The following TPRG1 variants were observed in gnomAD, a reference collection of about 807,000 sequenced individuals.
TPRG1 encodes tumor protein p63-regulated gene 1 protein.
TPRG1 carries 29 observed loss-of-function variants against 29.3 expected under a neutral mutation model. That is an observed-to-expected ratio of 0.99 (90% CI 0.74 to 1.35). The LOEUF is 1.35. Among genes scored for constraint, TPRG1 ranks in the 40% most tolerant of loss-of-function variants. The probability of loss-of-function intolerance (pLI) is 0.00; values close to 1 mark genes in which losing one functional copy is unlikely to be tolerated. For synonymous variants in TPRG1, 130 were observed against 116.8 expected (o/e 1.11, Z -0.73); for missense variants, 327 against 335.0 (o/e 0.98, Z 0.19).
At chr3:189,313,514 C>A (rs983908369) in intron 5 of TPRG1, among the ~76,000 whole-genome samples, 1 of 152,118 alleles carries the variant, frequency 6.6e-6, no homozygotes, top group African/African-American at 2.4e-5. Context: ...ACTATTGTCT[C>A]ACGGGGAGGG....
intron 4 of TPRG1, among the ~76,000 whole-genome samples, chr3:189,148,109 T>C (rs924597074): frequency 2.0e-5 from 3 of 152,332 alleles, no homozygotes; most frequent in Admixed American, 2.0e-4. Context: ...TAGGATTTGT[T>C]TGTCTGCAAG....
intron 4 of TPRG1, among the ~76,000 whole-genome samples, chr3:189,294,057 G>T (rs77992450): frequency 6.6e-6 from 1 of 152,116 alleles, no homozygotes; most frequent in Non-Finnish European, 1.5e-5. Flanking sequence ...CATTCAACAC[G>T]TACCTTTTCT....
At chr3:189,069,570 TA>T (rs1716684206) in intron 4 of TPRG1, among the ~76,000 whole-genome samples, 1 of 152,156 alleles carries the variant, frequency 6.6e-6, no homozygotes, top group Non-Finnish European at 1.5e-5. Flanking sequence ...TATAATGATC[TA>T]AAACAAAAAT....
upstream of TPRG1, among the ~76,000 whole-genome samples, chr3:189,171,186 A>T (rs941353899): frequency 6.6e-6 from 1 of 152,216 alleles, no homozygotes; most frequent in Non-Finnish European, 1.5e-5. Context: ...ATCTTATCCT[A>T]GGTTTATTCT....
chr3:189,102,228 A>G (rs1330292784), intron 1 of TPRG1, among the ~76,000 whole-genome samples: 2 of 152,132 alleles, frequency 1.3e-5, no homozygotes, highest in Non-Finnish European at 2.9e-5. Context: ...CAGTTTCCTC[A>G]TCTGTGAAAT....
At chr3:189,003,917 G>A (rs138975624) in intron 2 of TPRG1, among the ~76,000 whole-genome samples, 1 of 151,946 alleles carries the variant, frequency 6.6e-6, no homozygotes, top group Non-Finnish European at 1.5e-5. Flanking sequence ...GGGTAGTGGG[G>A]GATTTATACC....
rs11391897 is a variant in TPRG1, at chr3:189,321,146, C to CTTTTTTTT, written c.*339_*346dup. On this transcript the variant is annotated 3_prime_UTR_variant, in exon 6 of 6. Transcript: ENST00000345063. Reference sequence around the variant, plus strand: ...GTTGCTTCAGCTCTCTAAATGTAGGCTTTTTTTTTTTTTTTTTTTTAGGTC... The same window carrying CTTTTTTTT: ...GTTGCTTCAGCTCTCTAAATGTAGGCTTTTTTTTTTTTTTTTTTTTTTTTTTTTAGGTC... The CTTTTTTTT allele has an allele frequency of 8.8e-6, 1 of 113,970 alleles. No homozygotes were observed. The highest frequency in any genetic ancestry group is 1.8e-5 in the Non-Finnish European group (1 of 55,372). 7.1% of individuals were successfully genotyped at this position (113,970 alleles called of 1,614,324 possible). A position where few individuals can be genotyped will look rare whatever the true frequency, so the allele number is the denominator to read the frequency against.
At chr3:189,069,963 C>T (rs1716707506) in intron 4 of TPRG1, among the ~76,000 whole-genome samples, 1 of 152,116 alleles carries the variant, frequency 6.6e-6, no homozygotes, top group Non-Finnish European at 1.5e-5. Flanking sequence ...TGTCTGTAGT[C>T]CCAGCTACTC....
intron 4 of TPRG1, among the ~76,000 whole-genome samples, chr3:189,049,437 CACAA>C (rs1456038122): frequency 1.3e-5 from 2 of 152,064 alleles, no homozygotes; most frequent in African/African-American, 4.8e-5. Flanking sequence ...CTCCTAGGTA[CACAA>C]CTCCAGTGAC....
chr3:189,301,298 CAAAAAAAAAAAAAAA>C (rs10618021), intron 4 of TPRG1, among the ~76,000 whole-genome samples: 4 of 43,602 alleles, frequency 9.2e-5, no homozygotes, highest in Admixed American at 4.2e-4. Flanking sequence ...GACTCCATCT[CAAAAAAAAAAAAAAA>C]AAAAAAAAAA....
chr3:189,213,783 C>T (rs991797746), intron 2 of TPRG1, among the ~76,000 whole-genome samples: 1 of 152,098 alleles, frequency 6.6e-6, no homozygotes, highest in Non-Finnish European at 1.5e-5. Context: ...GCATATTTCA[C>T]CTTCTCTTCT....
At chr3:189,272,695 C>CTTTCTTTCTTTCTT (rs770742123) in intron 4 of TPRG1, among the ~76,000 whole-genome samples, 25 of 137,890 alleles carry the variant, frequency 1.8e-4, no homozygotes, top group African/African-American at 6.7e-4. Flanking sequence ...TTCTTTCTTT[C>CTTTCTTTCTTTCTT]TCTTTCTTTC....
At chr3:189,066,870 A>G (rs1318691145) in intron 4 of TPRG1, among the ~76,000 whole-genome samples, 1 of 152,172 alleles carries the variant, frequency 6.6e-6, no homozygotes, top group Non-Finnish European at 1.5e-5. Flanking sequence ...TGAGAGGAAG[A>G]AGTCAAATTA....
Position 189,210,702 on chromosome 3 carries a change from GA to G in TPRG1, c.210+3112del, listed in dbSNP as rs139672854. On this transcript the variant is annotated intron_variant, in intron 2 of 5. Coordinates refer to ENST00000345063, the MANE Select transcript of TPRG1 (RefSeq NM_198485.4). ...CTAATCAACACACTTGTTCTCAAAG[GA>G]AAATAAGGCCAAGAGAAGGGGGAGT... Among the ~76,000 whole-genome samples the G allele has an allele frequency of 4.4e-3, 667 of 152,304 alleles. 3 individuals carry two copies. Among genetic ancestry groups the G allele is most frequent in the African/African-American group, 0.015 (635 of 41,572 alleles).
intron 3 of TPRG1, among the ~76,000 whole-genome samples, chr3:189,136,729 C>T (rs796688485): frequency 1.5e-4 from 23 of 152,250 alleles, no homozygotes; most frequent in African/African-American, 5.5e-4. Context: ...AATATATTTG[C>T]CAAAGTATCT....
chr3:189,126,953 G>T (rs1447909021), intron 1 of TPRG1: 1 of 152,158 alleles, frequency 6.6e-6, no homozygotes, highest in Non-Finnish European at 1.5e-5. Flanking sequence ...CCAGTTTCTA[G>T]ACTTAAATCC....
At chr3:189,017,208 T>C (rs1295894333) in intron 3 of TPRG1, among the ~76,000 whole-genome samples, 1 of 149,478 alleles carries the variant, frequency 6.7e-6, no homozygotes, top group African/African-American at 2.4e-5. Context: ...TGAGATTCTT[T>C]TTTTTTTTAT....
intron 1 of TPRG1, among the ~76,000 whole-genome samples, chr3:189,184,422 GT>G (rs1394380539): frequency 8.5e-5 from 13 of 152,170 alleles, no homozygotes; most frequent in Non-Finnish European, 4.4e-5. Flanking sequence ...TAACTCCATT[GT>G]TTAAGTAGAA....
At chr3:189,219,855 T>A (rs1004600248) in intron 3 of TPRG1, 2 of 753,370 alleles carry the variant, frequency 2.7e-6, no homozygotes, top group Non-Finnish European at 1.6e-6. Flanking sequence ...TAAAAGATAC[T>A]TAAAATATGT....
Sources: gnomAD v4.1 joint callset for allele counts (sites outside exome capture counted in the v4.1 genomes callset) on GRCh38, gnomAD v4.1.1 for gene constraint, MANE v1.5 for transcripts, NCBI Gene and HGNC (gene_info 2026-07-23, HGNC 2026-07-21) for gene names.